The following CCDC39 variants were observed in gnomAD, a reference collection of about 807,000 sequenced individuals.
CCDC39 encodes the protein coiled-coil domain-containing protein 39.
Under a neutral mutation model 121.0 loss-of-function variants are expected in CCDC39, and 113 were observed. That is an observed-to-expected ratio of 0.93 (90% confidence interval 0.80 to 1.09). The LOEUF is 1.09. Among genes scored for constraint, CCDC39 ranks in the 50% least tolerant of loss-of-function variants. The pLI is 0.00. For missense variants in CCDC39, 1,063 were observed against 1,074.7 expected, an observed-to-expected ratio of 0.99 and a Z score of 0.15; for synonymous variants, 349 against 352.2, an observed-to-expected ratio of 0.99 and a Z score of 0.10.
chr3:180,660,638 A>T lies in CCDC39; in HGVS notation c.448T>A (p.Ser150Thr). 1 of 1,603,378 alleles carries T rather than the reference A, an allele frequency of 6.2e-7. No individual in the cohort carries two copies. The highest frequency in any genetic ancestry group is 8.5e-7 in the Non-Finnish European group (1 of 1,173,998). ...AGAGCATCACTATCTTTATGAGCTG[A>T]TTCTTCTAACCAGGCCTCCAATGCT... is the stretch of plus-strand genomic sequence containing the variant. ...QQALEAWLEE[S>T]AHKDSDALTL... is the part of the protein sequence containing the mutation. Residue 150 changes from serine (S) to threonine (T), a missense_variant, in exon 4 of 20, where the codon TCA becomes ACA. Ser to Thr is a moderately conservative substitution (Grantham distance 58, BLOSUM62 1). Coordinates refer to ENST00000476379, the MANE Select transcript of CCDC39 (RefSeq NM_181426.2).
chr3:180,649,635 T>G (rs1718151116), intron 9 of CCDC39, among the ~76,000 whole-genome samples: 1 of 152,100 alleles, frequency 6.6e-6, no homozygotes, highest in Non-Finnish European at 1.5e-5. Flanking sequence ...CCAAAAAAGA[T>G]AGGGTTGGGA....
At chr3:180,670,055 G>A (rs192574529) in intron 1 of CCDC39, among the ~76,000 whole-genome samples, 46 of 152,026 alleles carry the variant, frequency 3.0e-4, no homozygotes, top group African/African-American at 6.0e-4. Flanking sequence ...CGAATCGATC[G>A]TTCTTATGGA....
rs1420618264 is a variant in CCDC39, at chr3:180,662,103, C to T, written c.211-96G>A. 4.9e-6 allele frequency: 6 copies of T among 1,218,076 alleles called. No individual in the cohort carries two copies. The African/African-American group carries it at 6.2e-5, about 13-fold the overall frequency. 75.5% of individuals were successfully genotyped at this position (1,218,076 alleles called of 1,614,324 possible). A position where few individuals can be genotyped will look rare whatever the true frequency, so the allele number is the denominator to read the frequency against. On this transcript the variant is annotated intron_variant, in intron 2 of 19. Transcript: ENST00000476379. ...ATCCATTAGATTAAAACAAAGTTCC[C>T]ATAAATTGCTTACATTAAGTACTAC... is the stretch of plus-strand genomic sequence containing the variant.
intron 15 of CCDC39, 79 bp downstream of exon 15, chr3:180,619,732 C>T (rs1287438054): frequency 1.2e-6 from 1 of 856,548 alleles, no homozygotes; most frequent in South Asian, 2.3e-5. Context: ...TTTTGTTCTT[C>T]CTCATGTCTC....
At chr3:180,639,172 C>T (rs1717898317) in intron 13 of CCDC39, among the ~76,000 whole-genome samples, 1 of 151,916 alleles carries the variant, frequency 6.6e-6, no homozygotes, top group South Asian at 2.1e-4. Flanking sequence ...TTTTAGATAG[C>T]CCACAAGCTA....
rs556326449 is a variant in CCDC39 at position 180,641,417 on chromosome 3, G to A, written c.1874+576C>T. On this transcript the variant is annotated intron_variant, in intron 13 of 19. Transcript: ENST00000476379. ...ACACTGCTCTTCAGTATTGAACTGG[G>A]GAAAAAAGAAAAGTTATAAAGATTG... 2.6e-5 allele frequency among the ~76,000 whole-genome samples: 4 copies of A among 151,670 alleles called. No homozygotes were observed. The South Asian group carries it at 6.2e-4, about 24-fold the overall frequency.
chr3:180,674,978 G>A (rs1576956073), intron 1 of CCDC39, among the ~76,000 whole-genome samples: 1 of 152,178 alleles, frequency 6.6e-6, no homozygotes, highest in East Asian at 1.9e-4. Context: ...TTGGTATCAG[G>A]ATGATGCTGG....
intron 14 of CCDC39, among the ~76,000 whole-genome samples, chr3:180,625,616 C>G (rs191232284): frequency 6.6e-6 from 1 of 152,176 alleles, no homozygotes; most frequent in Admixed American, 6.5e-5. Context: ...GTAACAGTTG[C>G]TTCTGCTAAT....
intron 1 of CCDC39, among the ~76,000 whole-genome samples, chr3:180,676,003 T>C (rs1224042345): frequency 6.6e-6 from 1 of 152,100 alleles, no homozygotes; most frequent in Non-Finnish European, 1.5e-5. Flanking sequence ...TCAATATGGA[T>C]TAAAGACTTA....
chr3:180,670,181 T>C (rs1185307082), intron 1 of CCDC39, among the ~76,000 whole-genome samples: 2 of 152,212 alleles, frequency 1.3e-5, no homozygotes, highest in East Asian at 3.9e-4. Flanking sequence ...AAATACACAT[T>C]CATAATTTGT....
At chr3:180,672,915 TAGA>T (rs1712089958) in intron 1 of CCDC39, among the ~76,000 whole-genome samples, 1 of 152,202 alleles carries the variant, frequency 6.6e-6, no homozygotes, top group Non-Finnish European at 1.5e-5. Flanking sequence ...AATAGGAGTT[TAGA>T]AGAAGAATAT....
In CCDC39 at chr3:180,679,372, G is replaced by T; in HGVS notation, c.9C>A (p.Ser3Arg). Residue 3 changes from serine (S) to arginine (R), a missense_variant, in exon 1 of 20, where the codon AGC becomes AGA. Coordinates refer to ENST00000476379, the MANE Select transcript of CCDC39 (RefSeq NM_181426.2). This position sits in a 1 kb window ranked among gnomAD's most constrained non-coding sequence, Gnocchi z 4.0. MS[S>R]EFLAELHWED... Reference sequence around the variant, plus strand: ...CCCAGTGCAGCTCAGCCAGGAATTCGCTACTCATGACTGCAAACGGATAGA... The same window carrying T: ...CCCAGTGCAGCTCAGCCAGGAATTCTCTACTCATGACTGCAAACGGATAGA... 1 of 1,613,690 alleles carries T rather than the reference G, an allele frequency of 6.2e-7. No homozygotes were observed. The highest frequency in any genetic ancestry group is 8.5e-7 in the Non-Finnish European group (1 of 1,179,688).
intron 13 of CCDC39, among the ~76,000 whole-genome samples, chr3:180,636,841 A>G (rs1005969162): frequency 4.6e-5 from 7 of 152,178 alleles, no homozygotes; most frequent in African/African-American, 1.7e-4. Context: ...TGGACTCGCT[A>G]TTCAATACAT....
chr3:180,615,487 A>G (rs921324738), intron 19 of CCDC39, among the ~76,000 whole-genome samples: 14 of 152,304 alleles, frequency 9.2e-5, no homozygotes, highest in African/African-American at 2.6e-4. Flanking sequence ...ATATTGATGG[A>G]TAAAGTGGTG....
At chr3:180,664,947 A>T (rs1365854419) in intron 1 of CCDC39, among the ~76,000 whole-genome samples, 3 of 151,600 alleles carry the variant, frequency 2.0e-5, no homozygotes, top group Non-Finnish European at 2.9e-5. Context: ...ACCTTAGGTG[A>T]TCTGCCCACC....
At chr3:180,675,597 T>C (rs1330358145) in intron 1 of CCDC39, among the ~76,000 whole-genome samples, 1 of 152,222 alleles carries the variant, frequency 6.6e-6, no homozygotes, top group Non-Finnish European at 1.5e-5. Flanking sequence ...AGATCTTTCC[T>C]GCTTTCTCTT....
At chr3:180,678,868 T>C (rs190290935) in intron 1 of CCDC39, among the ~76,000 whole-genome samples, 72 of 152,260 alleles carry the variant, frequency 4.7e-4, no homozygotes, top group Middle Eastern at 6.8e-3. Context: ...CAAAGAAATA[T>C]GAACCTTCTG....
chr3:180,627,768 A>AAAGACCAAAGACAGGAGCTTACTAC (rs1259468418), intron 14 of CCDC39, among the ~76,000 whole-genome samples: 1 of 152,194 alleles, frequency 6.6e-6, no homozygotes, highest in Non-Finnish European at 1.5e-5. Context: ...CCCATAGAAC[A>AAAGACCAAAGACAGGAGCTTACTAC]AAGACCAAAG....
intron 13 of CCDC39, among the ~76,000 whole-genome samples, chr3:180,640,147 T>C (rs1717922314): frequency 6.6e-6 from 1 of 152,126 alleles, no homozygotes; most frequent in Non-Finnish European, 1.5e-5. Flanking sequence ...ATGGTGGTGA[T>C]GGTCTCTCCG....
Sources: allele counts gnomAD v4.1 joint callset (sites outside exome capture counted in the v4.1 genomes callset), GRCh38; gene constraint gnomAD v4.1.1; non-coding constraint Gnocchi (gnomAD v3.1); transcripts MANE v1.5; gene names NCBI Gene and HGNC (gene_info 2026-07-23, HGNC 2026-07-21).